The following TRAF3 variants were observed in gnomAD, a reference collection of about 807,000 sequenced individuals.
The protein encoded by TRAF3 is TNF receptor-associated factor 3.
A neutral mutation model predicts 62.3 loss-of-function variants in TRAF3; 13 were observed. The ratio of observed to expected loss-of-function variants is 0.21; its 90% CI spans 0.14 to 0.33. The LOEUF (loss-of-function observed/expected upper bound fraction) is 0.33. Ranked by LOEUF, TRAF3 falls within the 10% of genes least tolerant of loss-of-function variation. TRAF3 has a pLI of 1.00. For missense variants in TRAF3, 440 were observed against 741.8 expected (o/e 0.59, Z 4.73); for synonymous variants, 269 against 283.4 (o/e 0.95, Z 0.51).
chr14:102,786,400 A>G lies in TRAF3; in HGVS notation c.-157+8725A>G, dbSNP rs187021365. Among the ~76,000 whole-genome samples the G allele has an allele frequency of 1.9e-3, 288 of 152,340 alleles. 5 individuals carry two copies. The highest frequency in any genetic ancestry group is 1.5e-3 in the East Asian group (8 of 5,194). Reference sequence around the variant, plus strand: ...AAAGTAATTGTGAGACTTAAAAGTGAGCCTGGGCTGGGTGCGGAGGTTCAT... The same window carrying G: ...AAAGTAATTGTGAGACTTAAAAGTGGGCCTGGGCTGGGTGCGGAGGTTCAT... On this transcript the variant is annotated intron_variant, in intron 1 of 11. Transcript: ENST00000392745.
intron 1 of TRAF3, among the ~76,000 whole-genome samples, chr14:102,812,658 G>A (rs1343680997): frequency 2.0e-5 from 3 of 152,214 alleles, no homozygotes; most frequent in East Asian, 3.9e-4. Flanking sequence ...GGTGGCTCAC[G>A]CCTGTAATCC....
chr14:102,866,882 CACACACACACAA>C (rs1334843897), intron 2 of TRAF3, among the ~76,000 whole-genome samples: 9 of 148,514 alleles, frequency 6.1e-5, no homozygotes, highest in Non-Finnish European at 8.9e-5. Flanking sequence ...CACACACACA[CACACACACACAA>C]AACAATGACA....
Position 102,868,184 on chromosome 14 carries a change from G to A in TRAF3, c.-17-2001G>A, listed in dbSNP as rs368773076. Among the ~76,000 whole-genome samples, 5 of 152,366 alleles carry A rather than the reference G, an allele frequency of 3.3e-5. No individual in the cohort carries two copies. The East Asian group carries it at 9.6e-4, about 29-fold the overall frequency. On this transcript the variant is annotated intron_variant, in intron 2 of 11. Coordinates refer to ENST00000392745, the MANE Select transcript of TRAF3 (RefSeq NM_145725.3). ...ACGCAGTGTATTTTTGAGGGAGCTG[G>A]TGAGTTGTGAAAGAAACTTCCTCTG...
intron 11 of TRAF3, among the ~76,000 whole-genome samples, chr14:102,904,066 G>A (rs1595415534): frequency 6.6e-6 from 1 of 152,322 alleles, no homozygotes; most frequent in East Asian, 1.9e-4. Flanking sequence ...GAGGAGTGGG[G>A]AGAGCACAGC....
chr14:102,805,514 C>G (rs1315422086), intron 1 of TRAF3, among the ~76,000 whole-genome samples: 3 of 152,174 alleles, frequency 2.0e-5, no homozygotes, highest in African/African-American at 4.8e-5. Context: ...CCGCTGGACT[C>G]CAAGCCCTCT....
At chr14:102,794,180 C>CT (rs1268289296) in intron 1 of TRAF3, among the ~76,000 whole-genome samples, 1 of 151,782 alleles carries the variant, frequency 6.6e-6, no homozygotes, top group Non-Finnish European at 1.5e-5. Flanking sequence ...TCTCTTTCTT[C>CT]TTTTTTTTCT....
chr14:102,784,924 A>G (rs1191143834), intron 1 of TRAF3, among the ~76,000 whole-genome samples: 1 of 152,094 alleles, frequency 6.6e-6, no homozygotes, highest in Non-Finnish European at 1.5e-5. Flanking sequence ...GCTGTCCTTC[A>G]GGGGAGAGGG....
At chr14:102,817,203 T>C (rs543670532) in intron 1 of TRAF3, among the ~76,000 whole-genome samples, 50 of 152,184 alleles carry the variant, frequency 3.3e-4, no homozygotes, top group Non-Finnish European at 5.3e-4. Context: ...GTGCTGGAGA[T>C]ATATTTGAGA....
chr14:102,777,920 G>A (rs1249504545), intron 1 of TRAF3, among the ~76,000 whole-genome samples: 3 of 149,700 alleles, frequency 2.0e-5, no homozygotes, highest in African/African-American at 4.9e-5. Context: ...ACTTTGTCCC[G>A]GAGGCCGGGC....
chr14:102,828,921 G>C (rs1459428464), intron 1 of TRAF3, among the ~76,000 whole-genome samples: 1 of 152,156 alleles, frequency 6.6e-6, no homozygotes, highest in Non-Finnish European at 1.5e-5. Flanking sequence ...AATCTGGATG[G>C]AACTTTTCGT....
chr14:102,889,704 T>C, intron 8 of TRAF3, 70 bp downstream of exon 8: 1 of 1,548,392 alleles, frequency 6.5e-7, no homozygotes. Flanking sequence ...TATATTAACA[T>C]TTTAACATGC....
At chr14:102,778,546 C>T (rs1269833837) in intron 1 of TRAF3, among the ~76,000 whole-genome samples, 1 of 152,150 alleles carries the variant, frequency 6.6e-6, no homozygotes, top group African/African-American at 2.4e-5. Flanking sequence ...GAATTAAGCT[C>T]AGAATCAGTT....
chr14:102,797,005 G>GTGAC (rs994242702), intron 1 of TRAF3, among the ~76,000 whole-genome samples: 102 of 152,258 alleles, frequency 6.7e-4, no homozygotes, highest in African/African-American at 2.2e-3. Flanking sequence ...TGGCCTGGGG[G>GTGAC]TGACCAGCAT....
chr14:102,785,605 C>A (rs1897458536), intron 1 of TRAF3, among the ~76,000 whole-genome samples: 1 of 152,210 alleles, frequency 6.6e-6, no homozygotes, highest in South Asian at 2.1e-4. Context: ...TTAATTATAA[C>A]TGCAGATTGC....
intron 1 of TRAF3, among the ~76,000 whole-genome samples, chr14:102,796,948 C>G (rs1898124125): frequency 6.6e-6 from 1 of 152,230 alleles, no homozygotes. Context: ...CGTACTTTCT[C>G]ATTCCCCATT....
chr14:102,845,532 T>C (rs1305090856), intron 2 of TRAF3, among the ~76,000 whole-genome samples: 3 of 150,304 alleles, frequency 2.0e-5, no homozygotes, highest in Non-Finnish European at 4.4e-5. Flanking sequence ...TTTTTTTTTT[T>C]CAAGACGGAG....
chr14:102,825,985 T>C (rs910466986), intron 1 of TRAF3, among the ~76,000 whole-genome samples: 2 of 152,240 alleles, frequency 1.3e-5, no homozygotes, highest in Admixed American at 6.5e-5. Flanking sequence ...GCATGTCTGC[T>C]GTGGCCAAAT....
At chr14:102,884,905 G>T (rs1204809689) in intron 6 of TRAF3, among the ~76,000 whole-genome samples, 1 of 152,076 alleles carries the variant, frequency 6.6e-6, no homozygotes, top group Non-Finnish European at 1.5e-5. Flanking sequence ...TTACCTATCA[G>T]ATTGCCAAAG....
At chr14:102,807,142 G>A (rs1282971371) in intron 1 of TRAF3, among the ~76,000 whole-genome samples, 1 of 152,182 alleles carries the variant, frequency 6.6e-6, no homozygotes, top group Non-Finnish European at 1.5e-5. Context: ...TGCTGTCAGA[G>A]AGATCTAAAC....
Sources: allele counts gnomAD v4.1 joint callset (sites outside exome capture counted in the v4.1 genomes callset), GRCh38; gene constraint gnomAD v4.1.1; transcripts MANE v1.5; gene names NCBI Gene and HGNC (gene_info 2026-07-23, HGNC 2026-07-21).